The following R3HDM2 variants were observed in gnomAD, a reference collection of about 807,000 sequenced individuals.
The protein encoded by R3HDM2 is R3H domain-containing protein 2.
In R3HDM2, 38 loss-of-function variants were observed where a neutral mutation model predicts 124.5. The ratio of observed to expected loss-of-function variants is 0.31; its 90% CI spans 0.24 to 0.40. The LOEUF (loss-of-function observed/expected upper bound fraction) is 0.40. Among genes scored for constraint, R3HDM2 ranks in the 10% least tolerant of loss-of-function variants. R3HDM2 has a pLI of 1.00. For synonymous variants in R3HDM2, 391 were observed against 448.0 expected, an observed-to-expected ratio of 0.87 and a Z score of 1.61; for missense variants, 869 against 1,236.9, an observed-to-expected ratio of 0.70 and a Z score of 4.46.
intron 2 of R3HDM2, among the ~76,000 whole-genome samples, chr12:57,343,977 TTTAC>T (rs2137042328): frequency 6.6e-6 from 1 of 152,246 alleles, no homozygotes; most frequent in African/African-American, 2.4e-5. Flanking sequence ...CCCTGAAATT[TTTAC>T]TTGAGAAATT....
intron 19 of R3HDM2, among the ~76,000 whole-genome samples, chr12:57,260,860 G>A (rs2040621794): frequency 6.6e-6 from 1 of 152,152 alleles, no homozygotes; most frequent in East Asian, 1.9e-4. Flanking sequence ...TTCTCAGGTA[G>A]TATCAGTCAA....
chr12:57,358,605 T>C (rs867105252), intron 2 of R3HDM2, among the ~76,000 whole-genome samples: 3 of 150,962 alleles, frequency 2.0e-5, no homozygotes, highest in Middle Eastern at 3.2e-3. Context: ...GATGGCACCA[T>C]TGCACTCCAG....
chr12:57,298,312 A>C lies in R3HDM2; in HGVS notation c.422-144T>G, dbSNP rs957744141. The C allele has an allele frequency of 1.0e-5, 7 of 672,348 alleles. No individual in the cohort carries two copies. The East Asian group carries it at 1.9e-4, about 18-fold the overall frequency. 41.6% of individuals were successfully genotyped at this position (672,348 alleles called of 1,614,324 possible). On this transcript the variant is annotated intron_variant, in intron 6 of 23. Transcript: ENST00000402412. ...CTTCCAGGGTTTTAACATAAAATCC[A>C]GAATGACCTTGATGTGCTAGATCCC...
intron 21 of R3HDM2, among the ~76,000 whole-genome samples, chr12:57,257,497 CT>C (rs2039415415): frequency 6.6e-6 from 1 of 152,166 alleles, no homozygotes; most frequent in Non-Finnish European, 1.5e-5. Context: ...AAATTCCCAT[CT>C]TATGTGTGAT....
At chr12:57,285,446 A>AGTGTGAGT (rs1555225801) in intron 12 of R3HDM2, among the ~76,000 whole-genome samples, 1 of 147,576 alleles carries the variant, frequency 6.8e-6, no homozygotes, top group Admixed American at 6.8e-5. Flanking sequence ...AGAGAGAGAG[A>AGTGTGAGT]GTGTGTGTGT....
chr12:57,388,153 T>C (rs1397633177), intron 2 of R3HDM2, among the ~76,000 whole-genome samples: 1 of 151,594 alleles, frequency 6.6e-6, no homozygotes, highest in South Asian at 2.1e-4. Flanking sequence ...TTAGTAGAGA[T>C]GGGGTTTCAC....
intron 3 of R3HDM2, among the ~76,000 whole-genome samples, chr12:57,307,387 T>G (rs1469980657): frequency 2.6e-5 from 4 of 151,848 alleles, no homozygotes; most frequent in Non-Finnish European, 5.9e-5. Flanking sequence ...GGTGCGATTT[T>G]GGGCCACTGC....
rs749009197 is a variant in R3HDM2, at chr12:57,257,961, T to C, written c.2449+29A>G. 6.9e-6 allele frequency: 10 copies of C among 1,448,110 alleles called. No individual in the cohort carries two copies. The East Asian group carries it at 1.9e-4, about 28-fold the overall frequency. 89.7% of individuals were successfully genotyped at this position (1,448,110 alleles called of 1,614,324 possible). ...AATGGGATGTGAAAGGTGAATTCCATAGCAGCCAGCACTAATCTAACCCCC... is the reference window on the plus strand; with the variant it reads ...AATGGGATGTGAAAGGTGAATTCCACAGCAGCCAGCACTAATCTAACCCCC... On this transcript the variant is annotated intron_variant, in intron 21 of 23. Coordinates refer to ENST00000402412, the MANE Select transcript of R3HDM2 (RefSeq NM_001394031.1).
At chr12:57,303,051 G>T in intron 4 of R3HDM2, 125 bp downstream of exon 4, 1 of 837,704 alleles carries the variant, frequency 1.2e-6, no homozygotes, top group Non-Finnish European at 1.9e-6. Flanking sequence ...TCACAATTGG[G>T]GTACAGAGTA....
At chr12:57,355,337 T>G (rs1048172022) in intron 2 of R3HDM2, among the ~76,000 whole-genome samples, 2 of 150,790 alleles carry the variant, frequency 1.3e-5, no homozygotes, top group African/African-American at 4.9e-5. Context: ...CAGGCGCCTA[T>G]AGTCCCAACT....
intron 2 of R3HDM2, among the ~76,000 whole-genome samples, chr12:57,348,382 C>G (rs1041212054): frequency 7.9e-5 from 12 of 151,802 alleles, no homozygotes; most frequent in African/African-American, 2.9e-4. Flanking sequence ...GCCTGGGCAA[C>G]TAGTGAAACC....
Position 57,428,748 on chromosome 12 carries a change from A to AT in R3HDM2, c.-106+1971dup, listed in dbSNP as rs920947925. Among the ~76,000 whole-genome samples the AT allele has an allele frequency of 1.6e-3, 185 of 113,548 alleles. 1 individual carries two copies. The highest frequency in any genetic ancestry group is 5.0e-3 in the African/African-American group (166 of 33,490). The allele number at this position is 113,548 out of a possible 152,430, so 74.5% of individuals were successfully genotyped here. A position where few individuals can be genotyped will look rare whatever the true frequency, so the allele number is the denominator to read the frequency against. On this transcript the variant is annotated intron_variant, in intron 1 of 23. Transcript: ENST00000402412. ...ATTAAAAAATATTAGGCATGCTATT[A>AT]TTTTTTTTTTTTTTTTGAGACAGTC...
At chr12:57,407,226 G>T (rs1594546719) in intron 1 of R3HDM2, among the ~76,000 whole-genome samples, 1 of 148,440 alleles carries the variant, frequency 6.7e-6, no homozygotes, top group African/African-American at 2.5e-5. Context: ...CTCCAGCCTG[G>T]GCAACAGAGC....
chr12:57,365,322 A>G (rs1023080762), intron 2 of R3HDM2, among the ~76,000 whole-genome samples: 3 of 151,446 alleles, frequency 2.0e-5, no homozygotes, highest in Non-Finnish European at 4.4e-5. Flanking sequence ...CCCTCCTCCT[A>G]TTTTATTTTA....
At chr12:57,304,082 A>G (rs2051963135) in intron 3 of R3HDM2, among the ~76,000 whole-genome samples, 1 of 152,176 alleles carries the variant, frequency 6.6e-6, no homozygotes, top group South Asian at 2.1e-4. Flanking sequence ...GATACCCAAA[A>G]TATCTGTTCC....
intron 3 of R3HDM2, among the ~76,000 whole-genome samples, chr12:57,307,719 C>G (rs139331838): frequency 6.6e-6 from 1 of 150,572 alleles, no homozygotes; most frequent in African/African-American, 2.4e-5. Flanking sequence ...CTCTGCCTCC[C>G]GGGTTCAAGC....
Position 57,269,865 on chromosome 12 carries a change from T to C in R3HDM2, c.1474A>G (p.Ile492Val). The change falls in exon 15 of 24, where the codon ATC (isoleucine) becomes GTC (valine). Residue 492 changes from isoleucine to valine, a missense_variant. Around this residue, in one of 2 missense-constraint regions of R3HDM2, gnomAD observed 602 missense variants for 789.2 expected, o/e 0.76. Transcript: ENST00000402412. ...AGGGGCTGACCCGTGGAAGCCATGA[T>C]GAAGCTAGTCTGCTGAGGGTGCTGG... ...ISQHPQQTSFIMASTGQPLPT... is the reference protein window; with the variant it reads ...ISQHPQQTSFVMASTGQPLPT... The C allele has an allele frequency of 1.9e-6, 3 of 1,614,140 alleles. No homozygotes were observed. Among genetic ancestry groups the C allele is most frequent in the Non-Finnish European group, 2.5e-6 (3 of 1,180,016 alleles).
chr12:57,383,529 C>T (rs1011078771), intron 2 of R3HDM2, among the ~76,000 whole-genome samples: 5 of 151,398 alleles, frequency 3.3e-5, no homozygotes, highest in Non-Finnish European at 7.4e-5. Context: ...ATGGTGAAAC[C>T]CCATCTCTAC....
intron 2 of R3HDM2, among the ~76,000 whole-genome samples, chr12:57,316,204 C>T (rs1000870832): frequency 6.6e-6 from 1 of 152,196 alleles, no homozygotes; most frequent in Non-Finnish European, 1.5e-5. Flanking sequence ...GGAAAGGGCA[C>T]CTCCCCAGAC....
Sources: allele counts gnomAD v4.1 joint callset (sites outside exome capture counted in the v4.1 genomes callset), GRCh38; gene constraint gnomAD v4.1.1; regional missense constraint gnomAD v4.1.1; transcripts MANE v1.5; gene names NCBI Gene and HGNC (gene_info 2026-07-23, HGNC 2026-07-21).